The following SMARCA1 variants were observed in gnomAD, a reference collection of about 807,000 sequenced individuals.
SMARCA1 encodes SNF2 related chromatin remodeling ATPase 1.
Under a neutral mutation model 93.6 loss-of-function variants are expected in SMARCA1, and 17 were observed. The ratio of observed to expected loss-of-function variants is 0.18; its 90% CI spans 0.12 to 0.27. The LOEUF is 0.27. Ranked by LOEUF, SMARCA1 falls within the 10% of genes least tolerant of loss-of-function variation. The probability of loss-of-function intolerance (pLI) is 1.00; values close to 1 mark genes in which losing one functional copy is unlikely to be tolerated. For synonymous variants in SMARCA1, 271 were observed against 271.4 expected, an observed-to-expected ratio of 1.00 and a Z score of 0.01; for missense variants, 630 against 819.0, an observed-to-expected ratio of 0.77 and a Z score of 2.82.
chrX:129,523,136 G>A lies in SMARCA1; in HGVS notation c.174+61C>T, dbSNP rs1935473570. ...TCGGCGCCGAAAGGTCAGGGTTTGG[G>A]CCCCTCAGAGGGGCCAGGCACAGGA... is the stretch of plus-strand genomic sequence containing the variant. On this transcript the variant is annotated intron_variant, in intron 1 of 24. Coordinates refer to ENST00000371121, the MANE Select transcript of SMARCA1 (RefSeq NM_001282874.2). 3 of 1,147,032 alleles carry A rather than the reference G, an allele frequency of 2.6e-6. No individual in the cohort carries two copies. In the Admixed American group the frequency reaches 6.8e-5, roughly 26 times the overall value. 94.5% of individuals were successfully genotyped at this position (1,147,032 alleles called of 1,213,427 possible).
intron 20 of SMARCA1, among the ~76,000 whole-genome samples, chrX:129,469,622 T>C (rs772279716): frequency 3.4e-4 from 38 of 112,317 alleles, no homozygotes; most frequent in Non-Finnish European, 6.2e-4. Context: ...TGGCTTTTAG[T>C]TGATAAAGAT....
At chrX:129,465,466 T>C (rs1932887141) in intron 23 of SMARCA1, 54 bp downstream of exon 23, 2 of 858,348 alleles carry the variant, frequency 2.3e-6, no homozygotes. Context: ...ATATGGCATC[T>C]GAAATTTTTC....
At chrX:129,501,351 A>G (rs1261365144) in intron 9 of SMARCA1, among the ~76,000 whole-genome samples, 2 of 109,148 alleles carry the variant, frequency 1.8e-5, no homozygotes, top group Non-Finnish European at 3.8e-5. Flanking sequence ...GCTGGAATGC[A>G]GTGGGGCAAT....
At chrX:129,450,374 A>G (rs1932229764) in intron 23 of SMARCA1, among the ~76,000 whole-genome samples, 1 of 112,068 alleles carries the variant, frequency 8.9e-6, no homozygotes. Context: ...TTGAACTTTC[A>G]GTCTCCATAA....
At chrX:129,465,199 C>T (rs1932878470) in intron 23 of SMARCA1, among the ~76,000 whole-genome samples, 1 of 111,476 alleles carries the variant, frequency 9.0e-6, no homozygotes, top group African/African-American at 3.3e-5. Context: ...TTAGGAGATA[C>T]ATGCTTAAGT....
intron 10 of SMARCA1, among the ~76,000 whole-genome samples, chrX:129,498,868 CATT>C (rs1280957902): frequency 1.8e-5 from 2 of 111,863 alleles, no homozygotes; most frequent in East Asian, 2.8e-4. Flanking sequence ...AGCACTATTA[CATT>C]ATTAACACTT....
chrX:129,464,648 T>G (rs1400178193), intron 23 of SMARCA1, among the ~76,000 whole-genome samples: 1 of 112,295 alleles, frequency 8.9e-6, no homozygotes, highest in African/African-American at 3.2e-5. Context: ...ACAACTCCTT[T>G]TCATTAAAAG....
At position 129,523,239 on chromosome X, in the gene SMARCA1, G is replaced by C. The variant is rs1305637565; in HGVS notation, c.132C>G (p.Thr44=). Residue 44 remains threonine, a synonymous_variant, in exon 1 of 25, where the codon ACC becomes ACG. Coordinates refer to ENST00000371121, the MANE Select transcript of SMARCA1 (RefSeq NM_001282874.2). The part of the protein sequence containing the change: ...SQEEGAAAAA[T]EATAATEKGE... Reference sequence around the variant, plus strand: ...CCTTCTCCGTGGCCGCGGTGGCTTCGGTGGCCGCGGCGGCCGCTCCCTCCT... The same window carrying C: ...CCTTCTCCGTGGCCGCGGTGGCTTCCGTGGCCGCGGCGGCCGCTCCCTCCT... The C allele has an allele frequency of 5.0e-6, 6 of 1,208,801 alleles. No homozygotes were observed. In the African/African-American group the frequency reaches 7.0e-5, roughly 14 times the overall value.
At chrX:129,477,456 G>C (rs971447867) in intron 19 of SMARCA1, among the ~76,000 whole-genome samples, 23 of 110,785 alleles carry the variant, frequency 2.1e-4, no homozygotes, top group African/African-American at 7.6e-4. Flanking sequence ...GGGAGGCTGA[G>C]GCAGGAGAAT....
At chrX:129,460,300 A>C (rs964767178) in intron 23 of SMARCA1, among the ~76,000 whole-genome samples, 1 of 111,165 alleles carries the variant, frequency 9.0e-6, no homozygotes, top group African/African-American at 3.3e-5. Flanking sequence ...TAATTTTACC[A>C]ATGATGTATT....
At position 129,468,910 on chromosome X, in the gene SMARCA1, G is replaced by T. The variant is rs754322510; in HGVS notation, c.2566-5C>A. On this transcript the variant is annotated splice_region_variant and splice_polypyrimidine_tract_variant and intron_variant, in intron 20 of 24. Transcript: ENST00000371121. ...TTTAGTCCAGTTTGTGAAACCCTGT[G>T]AACAAAAAGTTAAGCATTATCAATA... 11 of 1,167,823 alleles carry T rather than the reference G, an allele frequency of 9.4e-6. No individual in the cohort carries two copies. In the Admixed American group the frequency reaches 2.5e-4, roughly 27 times the overall value.
chrX:129,470,594 G>A (rs1244670407), intron 20 of SMARCA1, among the ~76,000 whole-genome samples: 1 of 111,476 alleles, frequency 9.0e-6, no homozygotes, highest in African/African-American at 3.3e-5. Flanking sequence ...GGCTTGGCAC[G>A]GTGACTCACA....
Position 129,480,825 on chromosome X carries a change from G to A in SMARCA1, c.2329-11C>T. The A allele has an allele frequency of 9.6e-7, 1 of 1,042,211 alleles. No homozygotes were observed. 85.9% of individuals were successfully genotyped at this position (1,042,211 alleles called of 1,213,427 possible). A position where few individuals can be genotyped will look rare whatever the true frequency, so the allele number is the denominator to read the frequency against. The stretch of plus-strand genomic sequence containing the variant: ...TGGAGGCCGTGGAGCCTATGAGGGA[G>A]GAAAATGTATTATATATACTTCTTT... On this transcript the variant is annotated splice_polypyrimidine_tract_variant and intron_variant, in intron 18 of 24. Coordinates refer to ENST00000371121, the MANE Select transcript of SMARCA1 (RefSeq NM_001282874.2).
intron 21 of SMARCA1, among the ~76,000 whole-genome samples, chrX:129,468,362 CA>C (rs764645965): frequency 8.9e-6 from 1 of 111,962 alleles, no homozygotes; most frequent in East Asian, 2.8e-4. Context: ...GGTGTTTGAG[CA>C]TCTAAATGGG....
intron 19 of SMARCA1, 44 bp downstream of exon 19, chrX:129,480,651 ATTATTT>A (rs776327721): frequency 2.5e-5 from 13 of 516,473 alleles, no homozygotes; most frequent in Non-Finnish European, 3.1e-5. Context: ...AACAGATTAA[ATTATTT>A]TTAAAGATTA....
At chrX:129,466,050 T>C in intron 21 of SMARCA1, 88 bp from the exon 22 acceptor site, 1 of 431,354 alleles carries the variant, frequency 2.3e-6, no homozygotes, top group Non-Finnish European at 4.0e-6. Context: ...TAGGAAAGAA[T>C]ACAATGAGCT....
intron 19 of SMARCA1, among the ~76,000 whole-genome samples, chrX:129,477,492 G>C (rs1933441068): frequency 9.0e-6 from 1 of 110,842 alleles, no homozygotes; most frequent in Admixed American, 9.6e-5. Flanking sequence ...GGGAGGCAGA[G>C]GTTACAGTGA....
intron 23 of SMARCA1, among the ~76,000 whole-genome samples, chrX:129,450,399 A>G (rs1932230830): frequency 8.9e-6 from 1 of 112,002 alleles, no homozygotes; most frequent in Admixed American, 9.5e-5. Flanking sequence ...GAGAAAATAA[A>G]TTCCTGTTGC....
At chrX:129,478,196 C>T (rs1262913042) in intron 19 of SMARCA1, among the ~76,000 whole-genome samples, 1 of 111,898 alleles carries the variant, frequency 8.9e-6, no homozygotes. Flanking sequence ...CACACAAATG[C>T]CACCACCATT....
Sources: gnomAD v4.1 joint callset for allele counts (sites outside exome capture counted in the v4.1 genomes callset) on GRCh38, gnomAD v4.1.1 for gene constraint, MANE v1.5 for transcripts, NCBI Gene and HGNC (gene_info 2026-07-23, HGNC 2026-07-21) for gene names.